The following GRID1 variants were observed in gnomAD, a reference collection of about 807,000 sequenced individuals.
GRID1 encodes glutamate receptor ionotropic, delta-1.
Under a neutral mutation model 98.0 loss-of-function variants are expected in GRID1, and 28 were observed. The observed-to-expected ratio is 0.29, with a 90% confidence interval of 0.21 to 0.39. The LOEUF (loss-of-function observed/expected upper bound fraction) is 0.39, where lower values mean the gene tolerates loss of function less well. Among genes scored for constraint, GRID1 ranks in the 10% least tolerant of loss-of-function variants. The pLI is 1.00. For synonymous variants in GRID1, 553 were observed against 538.5 expected (o/e 1.03, Z -0.37); for missense variants, 1,111 against 1,340.5 (o/e 0.83, Z 2.67).
intron 4 of GRID1, among the ~76,000 whole-genome samples, chr10:85,976,731 G>A (rs1298809310): frequency 6.6e-6 from 1 of 152,204 alleles, no homozygotes; most frequent in African/African-American, 2.4e-5. Flanking sequence ...TGCTGCTCTT[G>A]GCTGCAGACC....
At chr10:86,135,359 C>T (rs1844908401) in intron 4 of GRID1, among the ~76,000 whole-genome samples, 1 of 152,202 alleles carries the variant, frequency 6.6e-6, no homozygotes, top group Non-Finnish European at 1.5e-5. Context: ...AGAACAGGCC[C>T]CCCTGGAGGA....
intron 13 of GRID1, among the ~76,000 whole-genome samples, chr10:85,624,786 T>C (rs1254218536): frequency 6.6e-6 from 1 of 152,182 alleles, no homozygotes; most frequent in Non-Finnish European, 1.5e-5. Flanking sequence ...GCTGCTCATG[T>C]CTTTCACCTT....
chr10:85,656,318 C>T (rs1453634905), intron 12 of GRID1, among the ~76,000 whole-genome samples: 1 of 152,198 alleles, frequency 6.6e-6, no homozygotes, highest in Non-Finnish European at 1.5e-5. Context: ...ACCTCCTTAT[C>T]CATTTCCTAA....
At chr10:85,817,169 T>C (rs1279145015) in intron 8 of GRID1, among the ~76,000 whole-genome samples, 2 of 152,188 alleles carry the variant, frequency 1.3e-5, no homozygotes, top group Admixed American at 6.5e-5. Context: ...AACACACACA[T>C]GCATGCATCT....
intron 8 of GRID1, among the ~76,000 whole-genome samples, chr10:85,774,409 G>A (rs906438215): frequency 2.0e-5 from 3 of 152,156 alleles, no homozygotes; most frequent in Non-Finnish European, 4.4e-5. Flanking sequence ...CAGGACATAG[G>A]CATGGGCAAG....
chr10:86,234,392 C>T (rs2814332), intron 2 of GRID1, among the ~76,000 whole-genome samples: 135,915 of 152,244 alleles, frequency 0.89, 61,227 homozygotes, highest in African/African-American at 0.92. Flanking sequence ...AGCCAAACAA[C>T]GGCATTGGTT....
intron 8 of GRID1, among the ~76,000 whole-genome samples, chr10:85,769,342 G>C (rs1256590298): frequency 1.3e-5 from 2 of 152,214 alleles, no homozygotes; most frequent in Non-Finnish European, 2.9e-5. Flanking sequence ...GCAGGAGCTG[G>C]AGCCAAGATG....
intron 4 of GRID1, among the ~76,000 whole-genome samples, chr10:86,137,716 A>G (rs1158730269): frequency 6.6e-6 from 1 of 152,024 alleles, no homozygotes; most frequent in Non-Finnish European, 1.5e-5. Context: ...AGCCGACAGG[A>G]CATCACAGCC....
chr10:85,873,961 T>C (rs1353846544), intron 5 of GRID1, among the ~76,000 whole-genome samples: 1 of 152,232 alleles, frequency 6.6e-6, no homozygotes, highest in Admixed American at 6.5e-5. Flanking sequence ...AGCTCAGCTC[T>C]AGTTTATTCA....
At chr10:86,133,323 C>CCT (rs1160525320) in intron 4 of GRID1, among the ~76,000 whole-genome samples, 14 of 151,470 alleles carry the variant, frequency 9.2e-5, no homozygotes, top group African/African-American at 2.9e-4. Flanking sequence ...TCCATGTGTG[C>CCT]ATGTGTGTGT....
At chr10:85,877,056 G>C (rs984831693) in intron 5 of GRID1, among the ~76,000 whole-genome samples, 1 of 152,246 alleles carries the variant, frequency 6.6e-6, no homozygotes, top group Non-Finnish European at 1.5e-5. Flanking sequence ...GGCTGGGGGA[G>C]GGGCGCCTGC....
At chr10:85,984,380 GT>G (rs1403919287) in intron 4 of GRID1, among the ~76,000 whole-genome samples, 1 of 152,212 alleles carries the variant, frequency 6.6e-6, no homozygotes, top group Non-Finnish European at 1.5e-5. Flanking sequence ...GGAGATTCTA[GT>G]CTCCATCTAC....
intron 2 of GRID1, among the ~76,000 whole-genome samples, chr10:86,247,611 C>T (rs1400572403): frequency 6.6e-6 from 1 of 152,164 alleles, no homozygotes; most frequent in Non-Finnish European, 1.5e-5. Flanking sequence ...TCTGGGTCTT[C>T]CAGTAAGGGG....
chr10:85,926,413 C>A (rs2131829956), intron 4 of GRID1, among the ~76,000 whole-genome samples: 1 of 152,208 alleles, frequency 6.6e-6, no homozygotes, highest in East Asian at 1.9e-4. Flanking sequence ...TTAGCATCCA[C>A]AATGTAAATT....
intron 13 of GRID1, chr10:85,644,016 C>T (rs1404261475): frequency 6.6e-6 from 1 of 152,142 alleles, no homozygotes; most frequent in Admixed American, 6.5e-5. Flanking sequence ...AGGTGTTTCT[C>T]TAATGACTCA....
intron 2 of GRID1, among the ~76,000 whole-genome samples, chr10:86,325,309 G>A (rs970987806): frequency 2.0e-5 from 3 of 152,098 alleles, no homozygotes; most frequent in Admixed American, 6.6e-5. Context: ...ACTGTCCCAC[G>A]CATTGTACAC....
At chr10:85,795,945 A>G (rs150898640) in intron 8 of GRID1, among the ~76,000 whole-genome samples, 57 of 152,322 alleles carry the variant, frequency 3.7e-4, no homozygotes, top group African/African-American at 1.4e-3. Flanking sequence ...GAGACAGAAA[A>G]AATGACAAGC....
At chr10:85,972,537 C>T (rs192927795) in intron 4 of GRID1, among the ~76,000 whole-genome samples, 247 of 149,974 alleles carry the variant, frequency 1.6e-3, no homozygotes, top group African/African-American at 5.3e-3. Context: ...TATAATTCTG[C>T]TATTTCAATA....
rs151237897 is a variant in GRID1, at chr10:86,240,873, G to A, written c.236-34225C>T. Among the ~76,000 whole-genome samples, 211 of 152,292 alleles carry A rather than the reference G, an allele frequency of 1.4e-3. 5 individuals are homozygous for A. In the East Asian group the frequency reaches 0.037, roughly 26 times the overall value. On this transcript the variant is annotated intron_variant, in intron 2 of 15. Coordinates refer to ENST00000327946, the MANE Select transcript of GRID1 (RefSeq NM_017551.3). Reference sequence around the variant, plus strand: ...AGCATGGGAGCCCCAGACCAGCCTCGGGGAGCCAAGCACAGAGCAGCAGGA... The same window carrying A: ...AGCATGGGAGCCCCAGACCAGCCTCAGGGAGCCAAGCACAGAGCAGCAGGA...
Sources: allele counts gnomAD v4.1 joint callset (sites outside exome capture counted in the v4.1 genomes callset), GRCh38; gene constraint gnomAD v4.1.1; transcripts MANE v1.5; gene names NCBI Gene and HGNC (gene_info 2026-07-23, HGNC 2026-07-21).